SESN1: variants seen among roughly 807,000 people sequenced by gnomAD.
SESN1 encodes the protein sestrin-1.
A neutral mutation model predicts 59.3 loss-of-function variants in SESN1; 30 were observed. That is an observed-to-expected ratio of 0.51 (90% confidence interval 0.38 to 0.69). The LOEUF is 0.69. SESN1 is among the 30% of genes least tolerant of loss of function. The pLI is 0.00. For missense variants in SESN1, 566 were observed against 673.0 expected, an observed-to-expected ratio of 0.84 and a Z score of 1.76; for synonymous variants, 197 against 219.9, an observed-to-expected ratio of 0.90 and a Z score of 0.92.
chr6:109,073,144 TA>T (rs1780967538), intron 1 of SESN1, among the ~76,000 whole-genome samples: 1 of 152,144 alleles, frequency 6.6e-6, no homozygotes. Flanking sequence ...GCAAATTAGA[TA>T]ACCTCTTTGT....
chr6:109,032,376 T>C (rs1372582109), intron 1 of SESN1, among the ~76,000 whole-genome samples: 2 of 152,060 alleles, frequency 1.3e-5, no homozygotes, highest in East Asian at 3.9e-4. Context: ...CCCAGCACTT[T>C]GGGAGGCCGA....
At position 108,992,864 on chromosome 6, in the gene SESN1, G is replaced by A. The variant is rs557313505; in HGVS notation, c.1156C>T (p.Arg386Cys). The change falls in exon 7 of 10, where the codon CGT becomes TGT. Residue 386 changes from arginine (R) to cysteine (C), a missense_variant. By Grantham distance (180) the Arg-to-Cys change is radical. Coordinates refer to ENST00000436639, the MANE Select transcript of SESN1 (RefSeq NM_014454.3). ...EEVTPARAVS[R>C]HFEDTSYGYK... ...CCATAACTAGTATCCTCAAAATGAC[G>A]AGATACAGCTCTTGCTGGTGTAACT... is the stretch of plus-strand genomic sequence containing the variant. 8.7e-6 allele frequency: 14 copies of A among 1,613,224 alleles called. No homozygotes were observed. Among genetic ancestry groups the A allele is most frequent in the East Asian group, 4.5e-5 (2 of 44,808 alleles).
intron 1 of SESN1, among the ~76,000 whole-genome samples, chr6:109,057,003 C>T (rs1780642450): frequency 6.6e-6 from 1 of 152,190 alleles, no homozygotes; most frequent in African/African-American, 2.4e-5. Flanking sequence ...GAGAGAAGTC[C>T]ACTGCCATGC....
At chr6:108,996,768 C>A (rs1002130607) in intron 5 of SESN1, among the ~76,000 whole-genome samples, 2 of 152,122 alleles carry the variant, frequency 1.3e-5, no homozygotes, top group Non-Finnish European at 1.5e-5. Flanking sequence ...GAATAATACA[C>A]CAACACTTAG....
At chr6:109,049,916 T>G (rs1780515951) in intron 1 of SESN1, among the ~76,000 whole-genome samples, 1 of 152,118 alleles carries the variant, frequency 6.6e-6, no homozygotes, top group African/African-American at 2.4e-5. Flanking sequence ...TACATCTCCA[T>G]GTCTGACTTT....
At chr6:109,055,358 G>T (rs1780611764) in intron 1 of SESN1, among the ~76,000 whole-genome samples, 1 of 152,094 alleles carries the variant, frequency 6.6e-6, no homozygotes, top group Non-Finnish European at 1.5e-5. Flanking sequence ...ATTAATGAAA[G>T]AATATATAAT....
At chr6:109,045,479 T>A (rs1780413647) in intron 1 of SESN1, among the ~76,000 whole-genome samples, 1 of 152,200 alleles carries the variant, frequency 6.6e-6, no homozygotes, top group Non-Finnish European at 1.5e-5. Flanking sequence ...TCAGATTGCA[T>A]CTCTGCCTAT....
At chr6:109,045,140 C>T (rs1052899730) in intron 1 of SESN1, among the ~76,000 whole-genome samples, 3 of 152,146 alleles carry the variant, frequency 2.0e-5, no homozygotes, top group Admixed American at 6.5e-5. Flanking sequence ...CCAGTGCAGA[C>T]ACCTGCAAGT....
chr6:109,082,795 A>C (rs1781147860), intron 1 of SESN1, among the ~76,000 whole-genome samples: 1 of 152,236 alleles, frequency 6.6e-6, no homozygotes, highest in South Asian at 2.1e-4. Flanking sequence ...ACATGTGGAT[A>C]AAGTGCGGGA....
intron 1 of SESN1, among the ~76,000 whole-genome samples, chr6:109,037,207 CACT>C (rs1780263071): frequency 6.6e-6 from 1 of 152,202 alleles, no homozygotes; most frequent in African/African-American, 2.4e-5. Context: ...AACAATATTG[CACT>C]ACTATTTTCT....
At chr6:109,072,537 C>T (rs887109951) in intron 1 of SESN1, among the ~76,000 whole-genome samples, 2 of 152,154 alleles carry the variant, frequency 1.3e-5, no homozygotes, top group Non-Finnish European at 2.9e-5. Context: ...ATGATTTAGG[C>T]TTCTGTATCA....
chr6:109,018,687 CA>C (rs1480936508), intron 1 of SESN1, among the ~76,000 whole-genome samples: 3 of 152,170 alleles, frequency 2.0e-5, no homozygotes, highest in Non-Finnish European at 4.4e-5. Flanking sequence ...TGTTTGAAAT[CA>C]TTTTTTTCAC....
intron 1 of SESN1, among the ~76,000 whole-genome samples, chr6:109,029,809 G>C (rs902503983): frequency 2.0e-5 from 3 of 152,112 alleles, no homozygotes; most frequent in African/African-American, 7.2e-5. Flanking sequence ...TGGGATTATA[G>C]GTGTAAGCCA....
At chr6:108,994,807 A>G (rs1779469873) in intron 5 of SESN1, among the ~76,000 whole-genome samples, 198 bp from the exon 6 acceptor site, 1 of 144,124 alleles carries the variant, frequency 6.9e-6, no homozygotes, top group African/African-American at 2.6e-5. Flanking sequence ...GGTTCACGCC[A>G]TTCTCCTGCC....
rs578198001 is a variant in SESN1 at position 109,094,244 on chromosome 6, A to C, written c.-171T>G. On this transcript the variant is annotated 5_prime_UTR_variant, in exon 1 of 10. Coordinates refer to ENST00000436639, the MANE Select transcript of SESN1 (RefSeq NM_014454.3). ...CACTGGTGCCTTCAGCCGATCTACA[A>C]GCTAGGTCACCCTCTCACCCTCTCC... is the stretch of plus-strand genomic sequence containing the variant. 1 of 671,124 alleles carries C rather than the reference A, an allele frequency of 1.5e-6. No individual in the cohort carries two copies. The highest frequency in any genetic ancestry group is 2.7e-5 in the East Asian group (1 of 36,796). The allele number at this position is 671,124 out of a possible 1,614,324, so 41.6% of individuals were successfully genotyped here.
At chr6:109,037,105 G>A (rs935190731) in intron 1 of SESN1, among the ~76,000 whole-genome samples, 6 of 152,124 alleles carry the variant, frequency 3.9e-5, no homozygotes, top group African/African-American at 1.4e-4. Flanking sequence ...TTTCTAAGTA[G>A]TAAAGACAAT....
intron 1 of SESN1, among the ~76,000 whole-genome samples, chr6:109,085,513 C>T (rs1383621514): frequency 2.5e-5 from 3 of 121,994 alleles, no homozygotes; most frequent in East Asian, 2.1e-4. Context: ...AGTGACACTC[C>T]GTCACACACA....
intron 2 of SESN1, among the ~76,000 whole-genome samples, 186 bp from the exon 3 acceptor site, chr6:109,001,674 G>T (rs1779628415): frequency 6.6e-6 from 1 of 152,170 alleles, no homozygotes; most frequent in Non-Finnish European, 1.5e-5. Context: ...ATATTATATA[G>T]TAGGGGATAA....
intron 5 of SESN1, among the ~76,000 whole-genome samples, chr6:108,995,663 C>T (rs1337406999): frequency 6.6e-6 from 1 of 152,130 alleles, no homozygotes; most frequent in African/African-American, 2.4e-5. Flanking sequence ...TGCCTGTAAT[C>T]CCAGCATTTT....
Sources: allele counts gnomAD v4.1 joint callset (sites outside exome capture counted in the v4.1 genomes callset), GRCh38; gene constraint gnomAD v4.1.1; transcripts MANE v1.5; gene names NCBI Gene and HGNC (gene_info 2026-07-23, HGNC 2026-07-21).